Variants in KLHDC2 observed in about 807,000 individuals in gnomAD.
KLHDC2 encodes the protein kelch domain containing 2.
Under a neutral mutation model 62.3 loss-of-function variants are expected in KLHDC2, and 38 were observed. The observed-to-expected ratio is 0.61, with a 90% CI of 0.47 to 0.80. The LOEUF (loss-of-function observed/expected upper bound fraction) is 0.80. Ranked by LOEUF, KLHDC2 falls within the 30% of genes least tolerant of loss-of-function variation. The probability of loss-of-function intolerance (pLI) is 0.00; values close to 1 mark genes in which losing one functional copy is unlikely to be tolerated. For synonymous variants in KLHDC2, 159 were observed against 161.0 expected (o/e 0.99, Z 0.09); for missense variants, 430 against 495.3 (o/e 0.87, Z 1.25).
rs780842468 is a variant in KLHDC2, at chr14:49,782,984, GCATGGACAGCAATC to G, written c.*33_*46del. ...CATAAATAATGCCTATGATCACCTT[GCATGGACAGCAATC>G]CTGTAAACATCACAGAGTGGCATCA... On this transcript the variant is annotated 3_prime_UTR_variant, in exon 13 of 13. Transcript: ENST00000298307. 5.0e-6 allele frequency: 8 copies of G among 1,601,488 alleles called. No individual in the cohort carries two copies. Among genetic ancestry groups the G allele is most frequent in the Non-Finnish European group, 6.8e-6 (8 of 1,173,250 alleles).
chr14:49,768,534 G>A lies in KLHDC2; in HGVS notation c.66G>A (p.Glu22=), dbSNP rs1021611800. 1 of 1,611,190 alleles carries A rather than the reference G, an allele frequency of 6.2e-7. No homozygotes were observed. The highest frequency in any genetic ancestry group is 8.5e-7 in the Non-Finnish European group (1 of 1,179,082). The part of the protein sequence containing the change: ...DLPGPAFESY[E]SMELACPAER... ...CTGGGCCAGCCTTCGAGAGCTATGA[G>A]TCCATGGAGCTTGCCTGCCCCGCTG... The change falls in exon 1 of 13, where the codon GAG becomes GAA. Residue 22 remains glutamate (E), a synonymous_variant. Transcript: ENST00000298307.
chr14:49,769,600 G>C (rs1889618504), intron 1 of KLHDC2, among the ~76,000 whole-genome samples: 1 of 152,116 alleles, frequency 6.6e-6, no homozygotes. Flanking sequence ...CAATCCTAAT[G>C]AATCTGCAGT....
At chr14:49,772,669 C>G (rs892168159) in intron 2 of KLHDC2, among the ~76,000 whole-genome samples, 1 of 152,184 alleles carries the variant, frequency 6.6e-6, no homozygotes, top group Non-Finnish European at 1.5e-5. Flanking sequence ...TCCCACTTAA[C>G]AGTTAGGCTG....
chr14:49,783,681 A>AT lies in KLHDC2; in HGVS notation c.*728_*729insT, dbSNP rs1451866789. On this transcript the variant is annotated 3_prime_UTR_variant, in exon 13 of 13. Transcript: ENST00000298307. ...CGCTTCTGGTATTATAGGTTAAGATACTCTAACGTGCTATATTGGTAATTA... is the reference window on the plus strand; with the variant it reads ...CGCTTCTGGTATTATAGGTTAAGATATCTCTAACGTGCTATATTGGTAATTA... 3.9e-5 allele frequency: 6 copies of AT among 152,160 alleles called. No homozygotes were observed. The highest frequency in any genetic ancestry group is 6.5e-5 in the Admixed American group (1 of 15,268). The allele number at this position is 152,160 out of a possible 1,614,324, so 9.4% of individuals were successfully genotyped here.
chr14:49,778,629 A>T (rs1038342578), intron 6 of KLHDC2, 135 bp downstream of exon 6: 1 of 581,930 alleles, frequency 1.7e-6, no homozygotes, highest in African/African-American at 1.9e-5. Context: ...TGGGGAGAAG[A>T]TCCATAACTT....
intron 6 of KLHDC2, 75 bp downstream of exon 6, chr14:49,778,569 T>C (rs537409503): frequency 7.5e-6 from 5 of 669,898 alleles, no homozygotes; most frequent in Non-Finnish European, 1.3e-5. Flanking sequence ...GGGAGAGGGG[T>C]GCACCAGAGT....
chr14:49,779,672 T>G lies in KLHDC2; in HGVS notation c.711T>G (p.Tyr237Ter). 1.9e-6 allele frequency: 3 copies of G among 1,613,964 alleles called. No individual in the cohort carries two copies. Among genetic ancestry groups the G allele is most frequent in the Non-Finnish European group, 2.5e-6 (3 of 1,179,836 alleles). ...GNRGFVFGGR[Y>*]RDARMNDLHY... Reference sequence around the variant, plus strand: ...GAGGCTTCGTGTTTGGAGGCAGATATCGAGTAAGTATTCAAACGACTTCAA... The same window carrying G: ...GAGGCTTCGTGTTTGGAGGCAGATAGCGAGTAAGTATTCAAACGACTTCAA... Residue 237 changes from tyrosine (Y) to a stop codon, truncating the protein, a stop_gained, in exon 7 of 13, where the codon TAT becomes TAG. Transcript: ENST00000298307. LOFTEE classifies it high-confidence loss of function.
chr14:49,774,139 A>G (rs1321083808), intron 2 of KLHDC2, among the ~76,000 whole-genome samples: 1 of 152,226 alleles, frequency 6.6e-6, no homozygotes, highest in Admixed American at 6.5e-5. Context: ...GAACAGCTAA[A>G]AGGGGACTGA....
At chr14:49,771,217 C>T (rs567427555) in intron 1 of KLHDC2, among the ~76,000 whole-genome samples, 38 of 151,762 alleles carry the variant, frequency 2.5e-4, no homozygotes, top group South Asian at 1.7e-3. Context: ...GGCGTGATGG[C>T]GAGTGCGTGC....
At position 49,782,126 on chromosome 14, in the gene KLHDC2, C is replaced by G. The variant is rs532233481; in HGVS notation, c.957-244C>G. ...GCTAACAAAGACCTAGAGAACAGAT[C>G]GTTCAGTTCAAACTCCTCATTGCAT... On this transcript the variant is annotated intron_variant, in intron 10 of 12. Coordinates refer to ENST00000298307, the MANE Select transcript of KLHDC2 (RefSeq NM_014315.3). The G allele has an allele frequency of 4.6e-5, 21 of 456,300 alleles. No homozygotes were observed. In the South Asian group the frequency reaches 6.3e-4, roughly 14 times the overall value. 28.3% of individuals were successfully genotyped at this position (456,300 alleles called of 1,614,324 possible).
In KLHDC2 at chr14:49,768,392, A is replaced by C; in HGVS notation, c.-77A>C. ...TTTTCCTTGCCTCGCGCCGCTGTGC[A>C]TTTCTCTCCTTTTCCTTTGTTTTTT... is the stretch of plus-strand genomic sequence containing the variant. On this transcript the variant is annotated 5_prime_UTR_variant, in exon 1 of 13. Coordinates refer to ENST00000298307, the MANE Select transcript of KLHDC2 (RefSeq NM_014315.3). 8 of 1,443,414 alleles carry C rather than the reference A, an allele frequency of 5.5e-6. No homozygotes were observed. Among genetic ancestry groups the C allele is most frequent in the Non-Finnish European group, 5.7e-6 (6 of 1,060,614 alleles). 89.4% of individuals were successfully genotyped at this position (1,443,414 alleles called of 1,614,324 possible).
At position 49,768,277 on chromosome 14, in the gene KLHDC2, G is replaced by C. The variant is rs1228162901; in HGVS notation, c.-192G>C. The C allele has an allele frequency of 1.8e-6, 1 of 551,586 alleles. No individual in the cohort carries two copies. The highest frequency in any genetic ancestry group is 2.0e-5 in the African/African-American group (1 of 49,568). The allele number at this position is 551,586 out of a possible 1,614,324, so 34.2% of individuals were successfully genotyped here. ...CCTCTGTCTGCAGGCGTGCCCCGGC[G>C]GCGGCGGAGAGCCGTCCTCGGCCGA... On this transcript the variant is annotated 5_prime_UTR_variant, in exon 1 of 13. Coordinates refer to ENST00000298307, the MANE Select transcript of KLHDC2 (RefSeq NM_014315.3).
Position 49,784,882 on chromosome 14 carries a change from G to T in KLHDC2, c.*1929G>T. ...CAAAAAACTGCTAACATTTTAAATT[G>T]TACTGTCAGTCTCCACATTCCTTTT... On this transcript the variant is annotated 3_prime_UTR_variant, in exon 13 of 13. Coordinates refer to ENST00000298307, the MANE Select transcript of KLHDC2 (RefSeq NM_014315.3). 1.3e-6 allele frequency: 2 copies of T among 1,523,514 alleles called. No homozygotes were observed. Among genetic ancestry groups the T allele is most frequent in the Non-Finnish European group, 1.8e-6 (2 of 1,100,816 alleles). The allele number at this position is 1,523,514 out of a possible 1,614,324, so 94.4% of individuals were successfully genotyped here. A position where few individuals can be genotyped will look rare whatever the true frequency, so the allele number is the denominator to read the frequency against.
At chr14:49,776,049 G>C (rs1347358020) in intron 3 of KLHDC2, among the ~76,000 whole-genome samples, 1 of 152,172 alleles carries the variant, frequency 6.6e-6, no homozygotes, top group African/African-American at 2.4e-5. Flanking sequence ...AGGAGCATAT[G>C]GTGTTAGGTA....
At position 49,774,642 on chromosome 14, in the gene KLHDC2, G is replaced by C; in HGVS notation, c.315G>C (p.Leu105Phe). ...CAVCVDRVLY[L>F]FGGHHSRGNT... ...TGTGTGTAGACAGGGTGCTGTACTT[G>C]TTTGGAGGACACCATTCAAGAGGCA... Residue 105 changes from leucine to phenylalanine, a missense_variant, in exon 3 of 13, where the codon TTG becomes TTC. Transcript: ENST00000298307. 3.1e-6 allele frequency: 5 copies of C among 1,612,786 alleles called. No homozygotes were observed. Among genetic ancestry groups the C allele is most frequent in the Non-Finnish European group, 4.2e-6 (5 of 1,178,802 alleles).
chr14:49,782,609 A>T lies in KLHDC2; in HGVS notation c.1097+15A>T. ...TCTCTTGTACGGTAAGTAACTTTGT[A>T]CTTGGCACTTAGATTATTTAAAATT... On this transcript the variant is annotated intron_variant, in intron 12 of 12. Transcript: ENST00000298307. 1 of 1,579,668 alleles carries T rather than the reference A, an allele frequency of 6.3e-7. No individual in the cohort carries two copies. The highest frequency in any genetic ancestry group is 8.6e-7 in the Non-Finnish European group (1 of 1,156,496).
intron 2 of KLHDC2, among the ~76,000 whole-genome samples, chr14:49,771,990 A>G (rs903573563): frequency 1.3e-5 from 2 of 151,648 alleles, no homozygotes; most frequent in Non-Finnish European, 2.9e-5. Context: ...AACTGTCTCC[A>G]AAAACAAACA....
Position 49,783,295 on chromosome 14 carries a change from AGAT to A in KLHDC2, c.*343_*345del. ...TGAAGTCATTTTTTGAAAACATTAT[AGAT>A]TTTTTTTTTTTTAATGGCAAGAGTA... On this transcript the variant is annotated 3_prime_UTR_variant, in exon 13 of 13. Transcript: ENST00000298307. 1 of 20,634 alleles carries A rather than the reference AGAT, an allele frequency of 4.8e-5. No individual in the cohort carries two copies. Among genetic ancestry groups the A allele is most frequent in the Non-Finnish European group, 7.5e-5 (1 of 13,366 alleles). 1.3% of individuals were successfully genotyped at this position (20,634 alleles called of 1,614,324 possible).
At chr14:49,779,278 T>C (rs1889837707) in intron 6 of KLHDC2, among the ~76,000 whole-genome samples, 1 of 152,204 alleles carries the variant, frequency 6.6e-6, no homozygotes, top group Non-Finnish European at 1.5e-5. Context: ...AGATTTCTTT[T>C]CCCTCTGACA....
Sources: allele counts gnomAD v4.1 joint callset (sites outside exome capture counted in the v4.1 genomes callset), GRCh38; gene constraint gnomAD v4.1.1; transcripts MANE v1.5; gene names NCBI Gene and HGNC (gene_info 2026-07-23, HGNC 2026-07-21).